The following UBOX5 variants were observed in gnomAD, a reference collection of about 807,000 sequenced individuals.
UBOX5 encodes U-box domain containing 5, also known as RING finger protein 37.
In UBOX5, 28 loss-of-function variants were observed where a neutral mutation model predicts 39.0. The ratio of observed to expected loss-of-function variants is 0.72; its 90% CI spans 0.53 to 0.98. The LOEUF is 0.98. UBOX5 is among the 50% of genes least tolerant of loss of function. The probability of loss-of-function intolerance (pLI) is 0.00; values close to 1 mark genes in which losing one functional copy is unlikely to be tolerated. For missense variants in UBOX5, 585 were observed against 674.4 expected (o/e 0.87, Z 1.47); for synonymous variants, 283 against 275.5 (o/e 1.03, Z -0.27).
intron 2 of UBOX5, among the ~76,000 whole-genome samples, chr20:3,122,928 C>CA (rs55709925): frequency 1.0e-4 from 14 of 139,816 alleles, no homozygotes; most frequent in East Asian, 4.1e-4. Flanking sequence ...TTTTCCCTGC[C>CA]AAAAAAAAAA....
chr20:3,149,141 T>C lies in UBOX5; in HGVS notation c.-42+10625A>G. On this transcript the variant is annotated intron_variant, in intron 1 of 4. Coordinates refer to ENST00000217173, the MANE Select transcript of UBOX5 (RefSeq NM_014948.4). The surrounding 1 kb of genome is among the most constrained non-coding windows in gnomAD (Gnocchi z 4.1). ...ACAGATTTGACCAGGCAATTTCTTG[T>C]TTATATGGTGCTTGATTAGAGCTGG... 6.6e-7 allele frequency: 1 copy of C among 1,506,936 alleles called. No individual in the cohort carries two copies. The highest frequency in any genetic ancestry group is 1.3e-5 in the South Asian group (1 of 75,506). 93.3% of individuals were successfully genotyped at this position (1,506,936 alleles called of 1,614,324 possible). A position where few individuals can be genotyped will look rare whatever the true frequency, so the allele number is the denominator to read the frequency against.
chr20:3,135,017 T>C (rs1221963554), intron 1 of UBOX5, among the ~76,000 whole-genome samples: 1 of 152,140 alleles, frequency 6.6e-6, no homozygotes, highest in Non-Finnish European at 1.5e-5. Context: ...TAGAAGAGAA[T>C]ACAAAATATG....
intron 1 of UBOX5, among the ~76,000 whole-genome samples, chr20:3,151,079 T>C (rs901386631): frequency 2.0e-5 from 3 of 152,192 alleles, no homozygotes. Flanking sequence ...TGTGTGTGTG[T>C]GTGTGTGGAG....
intron 4 of UBOX5, chr20:3,110,569 C>T (rs2066245941): frequency 1.9e-6 from 1 of 516,738 alleles, no homozygotes; most frequent in East Asian, 3.5e-5. Context: ...CTTCTGAGGG[C>T]AGCAGGCAGG....
At position 3,139,221 on chromosome 20, in the gene UBOX5, C is replaced by T. The variant is rs547250247; in HGVS notation, c.-41-15815G>A. 3.9e-5 allele frequency among the ~76,000 whole-genome samples: 6 copies of T among 152,190 alleles called. No homozygotes were observed. In the East Asian group the frequency reaches 1.2e-3, roughly 29 times the overall value. On this transcript the variant is annotated intron_variant, in intron 1 of 4. Transcript: ENST00000217173. ...TGAAAGACAGTTGTCCCAGCCCATC[C>T]CACACAGTTACCCACCAGTGAGAGG... is the stretch of plus-strand genomic sequence containing the variant.
At chr20:3,138,201 A>G (rs1030467303) in intron 1 of UBOX5, among the ~76,000 whole-genome samples, 32 of 151,768 alleles carry the variant, frequency 2.1e-4, no homozygotes, top group Non-Finnish European at 5.9e-5. Context: ...TGAACCTGGG[A>G]GGCGGAGGTT....
intron 1 of UBOX5, among the ~76,000 whole-genome samples, chr20:3,125,884 G>C (rs150715438): frequency 6.8e-6 from 1 of 146,440 alleles, no homozygotes; most frequent in East Asian, 2.1e-4. Context: ...CCGCCACCCC[G>C]TCTGGGAAGT....
At chr20:3,159,260 G>A (rs116610176) in intron 1 of UBOX5, among the ~76,000 whole-genome samples, 1,977 of 152,288 alleles carry the variant, frequency 0.013, 50 homozygotes, top group African/African-American at 0.045. Flanking sequence ...CGAAGACTCC[G>A]CATCCCAAAT....
In UBOX5 at chr20:3,121,793, C is replaced by A. The variant is rs376368856; in HGVS notation, c.846G>T (p.Lys282Asn). The A allele has an allele frequency of 3.1e-6, 5 of 1,614,070 alleles. No individual in the cohort carries two copies. The highest frequency in any genetic ancestry group is 4.2e-6 in the Non-Finnish European group (5 of 1,180,058). Residue 282 changes from lysine to asparagine, a missense_variant, in exon 3 of 5, where the codon AAG becomes AAT. By Grantham distance (94) the Lys-to-Asn change is moderately conservative. Coordinates refer to ENST00000217173, the MANE Select transcript of UBOX5 (RefSeq NM_014948.4). ...MPCPMLLPSG[K>N]VIDQSTLEKC... Reference sequence around the variant, plus strand: ...TCTCCAGTGTGCTCTGGTCGATGACCTTGCCTGAGGGCAGCAGCATGGGAC... The same window carrying A: ...TCTCCAGTGTGCTCTGGTCGATGACATTGCCTGAGGGCAGCAGCATGGGAC...
At chr20:3,159,133 T>G (rs577613156) in intron 1 of UBOX5, among the ~76,000 whole-genome samples, 1 of 152,284 alleles carries the variant, frequency 6.6e-6, no homozygotes, top group East Asian at 1.9e-4. Context: ...AAAGAGCAAC[T>G]ATTCTTACCC....
At chr20:3,127,751 T>C (rs1021041133) in intron 1 of UBOX5, among the ~76,000 whole-genome samples, 5 of 152,190 alleles carry the variant, frequency 3.3e-5, no homozygotes, top group African/African-American at 1.2e-4. Context: ...ATACCTAAAA[T>C]TTTTTCCTTT....
intron 1 of UBOX5, among the ~76,000 whole-genome samples, chr20:3,152,594 T>C (rs1483154568): frequency 6.6e-6 from 1 of 152,092 alleles, no homozygotes; most frequent in Non-Finnish European, 1.5e-5. Context: ...TTCAAATCTG[T>C]AGTCTTCATC....
rs202181397 is a variant in UBOX5 at position 3,126,289 on chromosome 20, C to T, written c.-41-2883G>A. On this transcript the variant is annotated intron_variant, in intron 1 of 4. Transcript: ENST00000217173. Reference sequence around the variant, plus strand: ...AAGGGCGGTGCAAGATGTGCTTTGTCAAACAGATGCTTGAAGGCAGCATGC... The same window carrying T: ...AAGGGCGGTGCAAGATGTGCTTTGTTAAACAGATGCTTGAAGGCAGCATGC... Among the ~76,000 whole-genome samples the T allele has an allele frequency of 4.6e-5, 7 of 151,986 alleles. No individual in the cohort carries two copies. In the East Asian group the frequency reaches 9.7e-4, roughly 21 times the overall value.
chr20:3,147,523 G>T (rs1485614407), intron 1 of UBOX5: 1 of 1,614,132 alleles, frequency 6.2e-7, no homozygotes, highest in African/African-American at 1.3e-5. Context: ...TACCATCGAG[G>T]GTATATAGTT....
At chr20:3,157,126 T>G (rs984026261) in intron 1 of UBOX5, among the ~76,000 whole-genome samples, 3 of 152,106 alleles carry the variant, frequency 2.0e-5, no homozygotes, top group Non-Finnish European at 2.9e-5. Flanking sequence ...AAACCGAACT[T>G]TCTCTAGGTG....
chr20:3,142,745 C>T (rs1321259402), intron 1 of UBOX5, among the ~76,000 whole-genome samples: 2 of 145,970 alleles, frequency 1.4e-5, no homozygotes, highest in Non-Finnish European at 3.0e-5. Context: ...TGCACTCCAG[C>T]CTGGGCGACA....
Position 3,149,353 on chromosome 20 carries a change from G to C in UBOX5, c.-42+10413C>G, listed in dbSNP as rs1278017294. The stretch of plus-strand genomic sequence containing the variant: ...AAAAACAGGTTGAAACTACACTGCT[G>C]TCTACTCAAATAAGTTCAATGCTAG... On this transcript the variant is annotated intron_variant, in intron 1 of 4. Coordinates refer to ENST00000217173, the MANE Select transcript of UBOX5 (RefSeq NM_014948.4). This position sits in a 1 kb window ranked among gnomAD's most constrained non-coding sequence, Gnocchi z 4.1. The C allele has an allele frequency of 4.9e-6, 2 of 407,272 alleles. No individual in the cohort carries two copies. The highest frequency in any genetic ancestry group is 4.2e-5 in the Admixed American group (1 of 23,926). The allele number at this position is 407,272 out of a possible 1,614,324, so 25.2% of individuals were successfully genotyped here. A position where few individuals can be genotyped will look rare whatever the true frequency, so the allele number is the denominator to read the frequency against.
At chr20:3,128,360 A>G in intron 1 of UBOX5, among the ~76,000 whole-genome samples, 1 of 152,238 alleles carries the variant, frequency 6.6e-6, no homozygotes, top group East Asian at 1.9e-4. Context: ...ATGAAATAAA[A>G]CATTCCTCCT....
At chr20:3,130,333 C>T (rs927844473) in intron 1 of UBOX5, among the ~76,000 whole-genome samples, 1 of 132,232 alleles carries the variant, frequency 7.6e-6, no homozygotes, top group Non-Finnish European at 1.6e-5. Context: ...TTGTTTATGC[C>T]TTTTTTTTTT....
Sources: allele counts gnomAD v4.1 joint callset (sites outside exome capture counted in the v4.1 genomes callset), GRCh38; gene constraint gnomAD v4.1.1; non-coding constraint Gnocchi (gnomAD v3.1); transcripts MANE v1.5; gene names NCBI Gene and HGNC (gene_info 2026-07-23, HGNC 2026-07-21).